Variants in PCED1B observed in about 807,000 individuals in gnomAD.
PCED1B encodes the protein PC-esterase domain-containing protein 1B.
For synonymous variants in PCED1B, 251 were observed against 246.1 expected, an observed-to-expected ratio of 1.02 and a Z score of -0.19; for missense variants, 573 against 573.9, an observed-to-expected ratio of 1.00 and a Z score of 0.02.
chr12:47,124,190 T>G (rs562914096), intron 2 of PCED1B, among the ~76,000 whole-genome samples: 2 of 152,164 alleles, frequency 1.3e-5, no homozygotes, highest in African/African-American at 4.8e-5. Context: ...CTTTTCACCC[T>G]CATCTCTAGG....
intron 3 of PCED1B, among the ~76,000 whole-genome samples, chr12:47,229,952 T>C (rs1259058008): frequency 6.6e-6 from 1 of 151,310 alleles, no homozygotes; most frequent in Non-Finnish European, 1.5e-5. Context: ...TTTTTTGTAC[T>C]TTTAGTAGAG....
At chr12:47,088,750 T>C (rs1431560422) in intron 1 of PCED1B, among the ~76,000 whole-genome samples, 1 of 152,214 alleles carries the variant, frequency 6.6e-6, no homozygotes, top group African/African-American at 2.4e-5. Context: ...TGCTGAAGGA[T>C]GAGTCTGCTC....
Position 47,235,118 on chromosome 12 carries a change from G to T in PCED1B, c.55G>T (p.Val19Phe), listed in dbSNP as rs1943931690. ...GCAGCTGCTTCACAATAAGTTCGTG[G>T]TCATCCTGGGGGACTCTGTGCATAG... ...VRQLLHNKFV[V>F]ILGDSVHRAV... The change falls in exon 4 of 4, where the codon GTC (valine) becomes TTC (phenylalanine). Residue 19 changes from valine to phenylalanine, a missense_variant. Physicochemically the swap from Val to Phe is conservative, Grantham distance 50. Transcript: ENST00000546455. 1 of 1,532,544 alleles carries T rather than the reference G, an allele frequency of 6.5e-7. No individual in the cohort carries two copies. The highest frequency in any genetic ancestry group is 2.1e-5 in the Admixed American group (1 of 47,008). 94.9% of individuals were successfully genotyped at this position (1,532,544 alleles called of 1,614,324 possible).
chr12:47,136,023 A>G (rs80009138), intron 2 of PCED1B: 2,195 of 153,872 alleles, frequency 0.014, 19 homozygotes, highest in East Asian at 0.032. Flanking sequence ...CACTTCCACC[A>G]AAAGGGTACA....
At chr12:47,132,480 T>C (rs368745072) in intron 2 of PCED1B, among the ~76,000 whole-genome samples, 2 of 152,188 alleles carry the variant, frequency 1.3e-5, no homozygotes, top group East Asian at 1.9e-4. Flanking sequence ...GGGTTTATAA[T>C]TGAAAGTTTG....
At chr12:47,216,962 T>C (rs1343346864) in intron 3 of PCED1B, among the ~76,000 whole-genome samples, 1 of 152,228 alleles carries the variant, frequency 6.6e-6, no homozygotes, top group Admixed American at 6.5e-5. Context: ...GTGAGGCATC[T>C]GTTGTCTGCA....
chr12:47,156,346 A>G (rs1246236738), intron 2 of PCED1B, among the ~76,000 whole-genome samples: 3 of 152,130 alleles, frequency 2.0e-5, no homozygotes, highest in Admixed American at 1.3e-4. Context: ...AGGATTTTGC[A>G]AGCCTGCTCA....
intron 2 of PCED1B, among the ~76,000 whole-genome samples, chr12:47,132,400 T>A (rs1291668037): frequency 6.6e-6 from 1 of 152,064 alleles, no homozygotes; most frequent in African/African-American, 2.4e-5. Context: ...CTAATAAAAT[T>A]TTTTCCTCTG....
At chr12:47,182,341 C>T (rs537282124) in intron 2 of PCED1B, among the ~76,000 whole-genome samples, 1 of 152,246 alleles carries the variant, frequency 6.6e-6, no homozygotes, top group African/African-American at 2.4e-5. Flanking sequence ...AGCCTGTAAT[C>T]CCAGCACGTT....
At chr12:47,233,422 G>A (rs1565618107) in intron 3 of PCED1B, among the ~76,000 whole-genome samples, 1 of 152,228 alleles carries the variant, frequency 6.6e-6, no homozygotes, top group Non-Finnish European at 1.5e-5. Flanking sequence ...ACAGGCGTGA[G>A]CCGCCACAAT....
At chr12:47,159,366 A>T (rs1941297224) in intron 2 of PCED1B, among the ~76,000 whole-genome samples, 1 of 152,154 alleles carries the variant, frequency 6.6e-6, no homozygotes, top group African/African-American at 2.4e-5. Flanking sequence ...TCCTACCTAC[A>T]GTGTATAAGA....
chr12:47,089,461 C>T (rs7486709), intron 1 of PCED1B, among the ~76,000 whole-genome samples: 29 of 63,334 alleles, frequency 4.6e-4, no homozygotes, highest in South Asian at 1.8e-3. Flanking sequence ...AAAAAAAATA[C>T]ATATATATAT....
intron 2 of PCED1B, among the ~76,000 whole-genome samples, chr12:47,154,941 T>TTTTTG (rs1941142913): frequency 6.6e-6 from 1 of 152,058 alleles, no homozygotes; most frequent in Non-Finnish European, 1.5e-5. Flanking sequence ...AACTAAGTAT[T>TTTTTG]TTTTGTTTTG....
At chr12:47,203,332 A>G (rs1236858127) in intron 2 of PCED1B, among the ~76,000 whole-genome samples, 2 of 152,024 alleles carry the variant, frequency 1.3e-5, no homozygotes, top group East Asian at 3.8e-4. Flanking sequence ...TTAGGGGTAC[A>G]TGTGCAGGTT....
chr12:47,080,173 C>T (rs1941957682), intron 1 of PCED1B, among the ~76,000 whole-genome samples: 1 of 151,954 alleles, frequency 6.6e-6, no homozygotes, highest in South Asian at 2.1e-4. Context: ...AGACTCTGGT[C>T]CTTGAGTCAA....
At chr12:47,194,436 G>T (rs1942540025) in intron 2 of PCED1B, among the ~76,000 whole-genome samples, 1 of 152,162 alleles carries the variant, frequency 6.6e-6, no homozygotes, top group African/African-American at 2.4e-5. Flanking sequence ...GCCTTCCAAA[G>T]TGCTGGGATT....
At chr12:47,138,133 G>C (rs746790392) in intron 2 of PCED1B, 2 of 152,184 alleles carry the variant, frequency 1.3e-5, no homozygotes, top group Non-Finnish European at 2.9e-5. Context: ...AGAACATACT[G>C]TTCAATAGGT....
intron 1 of PCED1B, among the ~76,000 whole-genome samples, chr12:47,101,971 T>C (rs1430302374): frequency 6.6e-6 from 1 of 152,020 alleles, no homozygotes; most frequent in Non-Finnish European, 1.5e-5. Context: ...GGGGGAAGAT[T>C]TGAATTTATT....
intron 2 of PCED1B, among the ~76,000 whole-genome samples, chr12:47,197,285 G>T (rs748409874): frequency 9.7e-5 from 14 of 144,426 alleles, no homozygotes; most frequent in Non-Finnish European, 1.5e-4. Flanking sequence ...ATCTGCCCTC[G>T]CTTGTAAAAA....
Sources: gnomAD v4.1 joint callset for allele counts (sites outside exome capture counted in the v4.1 genomes callset) on GRCh38, gnomAD v4.1.1 for gene constraint, MANE v1.5 for transcripts, NCBI Gene and HGNC (gene_info 2026-07-23, HGNC 2026-07-21) for gene names.